Variants in UNC5D observed in about 807,000 individuals in gnomAD.
UNC5D encodes netrin receptor UNC5D.
Under a neutral mutation model 105.4 loss-of-function variants are expected in UNC5D, and 39 were observed. The ratio of observed to expected loss-of-function variants is 0.37; its 90% CI spans 0.29 to 0.48. UNC5D has a LOEUF of 0.48. Among genes scored for constraint, UNC5D ranks in the 20% least tolerant of loss-of-function variants. The pLI, the probability that UNC5D is intolerant of heterozygous loss-of-function variation, is 0.98. For synonymous variants in UNC5D, 452 were observed against 450.4 expected (o/e 1.00, Z -0.04); for missense variants, 991 against 1,202.4 (o/e 0.82, Z 2.60).
chr8:35,706,222 C>G (rs1031526228), intron 8 of UNC5D, among the ~76,000 whole-genome samples: 4 of 152,138 alleles, frequency 2.6e-5, no homozygotes, highest in African/African-American at 4.8e-5. Context: ...CAAATGTCAT[C>G]TAGGATTCTT....
At chr8:35,282,728 C>T (rs1022513969) in intron 1 of UNC5D, among the ~76,000 whole-genome samples, 2 of 111,942 alleles carry the variant, frequency 1.8e-5, no homozygotes, top group Non-Finnish European at 3.8e-5. Flanking sequence ...AAAAAAGCAA[C>T]CCAAAGCAGC....
At chr8:35,457,022 G>A (rs935701120) in intron 1 of UNC5D, among the ~76,000 whole-genome samples, 9 of 152,062 alleles carry the variant, frequency 5.9e-5, no homozygotes, top group Admixed American at 2.0e-4. Flanking sequence ...CAAATTTATT[G>A]TATGTCCTTG....
intron 11 of UNC5D, among the ~76,000 whole-genome samples, chr8:35,743,280 A>AT (rs1364269161): frequency 2.6e-5 from 4 of 151,520 alleles, no homozygotes; most frequent in Admixed American, 6.6e-5. Context: ...TTATTTATTT[A>AT]TTTTTTTGAG....
rs28748085 is a variant in UNC5D at position 35,562,899 on chromosome 8, A to T, written c.323-5199A>T. ...TTTTGCCTCAACCAGTGTCCTGGAG[A>T]GTTTCTTCAATGTTTTCTTTGAGTG... On this transcript the variant is annotated intron_variant, in intron 2 of 16. Coordinates refer to ENST00000404895, the MANE Select transcript of UNC5D (RefSeq NM_080872.4). 2.0e-3 allele frequency among the ~76,000 whole-genome samples: 305 copies of T among 151,864 alleles called. 2 individuals are homozygous for T. Among genetic ancestry groups the T allele is most frequent in the African/African-American group, 6.5e-3 (269 of 41,442 alleles).
intron 1 of UNC5D, among the ~76,000 whole-genome samples, chr8:35,348,447 T>C (rs1411434756): frequency 6.6e-6 from 1 of 151,832 alleles, no homozygotes; most frequent in Non-Finnish European, 1.5e-5. Context: ...AATGATTAGG[T>C]AGAAATTTAC....
intron 11 of UNC5D, among the ~76,000 whole-genome samples, chr8:35,732,691 A>C (rs1829258032): frequency 6.6e-6 from 1 of 152,144 alleles, no homozygotes; most frequent in Admixed American, 6.6e-5. Flanking sequence ...ACTTTCCCTG[A>C]ATCACAGCTT....
intron 14 of UNC5D, among the ~76,000 whole-genome samples, chr8:35,765,251 G>C (rs576520318): frequency 1.3e-5 from 2 of 152,310 alleles, no homozygotes; most frequent in South Asian, 2.1e-4. Flanking sequence ...GCCAGCAGGG[G>C]AGTCTATAAA....
At chr8:35,495,586 A>G (rs1811528198) in intron 1 of UNC5D, among the ~76,000 whole-genome samples, 1 of 152,022 alleles carries the variant, frequency 6.6e-6, no homozygotes, top group South Asian at 2.1e-4. Context: ...TGTAGAGATC[A>G]GCCTTAAAGC....
At chr8:35,679,924 T>C (rs1825542548) in intron 4 of UNC5D, among the ~76,000 whole-genome samples, 1 of 152,186 alleles carries the variant, frequency 6.6e-6, no homozygotes, top group African/African-American at 2.4e-5. Context: ...GGGGACTCCC[T>C]GCAGAGTCCA....
intron 16 of UNC5D, among the ~76,000 whole-genome samples, chr8:35,787,601 A>T: frequency 6.6e-6 from 1 of 151,522 alleles, no homozygotes; most frequent in East Asian, 1.9e-4. Flanking sequence ...TTCAAAACAA[A>T]GTTGTTCGGT....
chr8:35,429,915 A>C (rs1163095137), intron 1 of UNC5D, among the ~76,000 whole-genome samples: 1 of 152,134 alleles, frequency 6.6e-6, no homozygotes, highest in Admixed American at 6.5e-5. Flanking sequence ...AAACAACTAT[A>C]TTTCTTTCTG....
At chr8:35,467,895 A>G (rs942991841) in intron 1 of UNC5D, among the ~76,000 whole-genome samples, 3 of 152,204 alleles carry the variant, frequency 2.0e-5, no homozygotes, top group Admixed American at 6.6e-5. Context: ...GTATTAGATC[A>G]CCAATGACCA....
rs1392024206 is a variant in UNC5D, at chr8:35,794,123, TAC to T, written c.*3561_*3562del. On this transcript the variant is annotated 3_prime_UTR_variant, in exon 17 of 17. Coordinates refer to ENST00000404895, the MANE Select transcript of UNC5D (RefSeq NM_080872.4). ...TCTACTGCCAAACTTCTGGCAAATT[TAC>T]CTGTGAATTTCAAAATGTTATAAAA... The T allele has an allele frequency of 6.6e-6, 1 of 152,212 alleles. No homozygotes were observed. Among genetic ancestry groups the T allele is most frequent in the Non-Finnish European group, 1.5e-5 (1 of 68,034 alleles). The allele number at this position is 152,212 out of a possible 1,614,324, so 9.4% of individuals were successfully genotyped here. A position where few individuals can be genotyped will look rare whatever the true frequency, so the allele number is the denominator to read the frequency against.
At chr8:35,697,140 T>TACACACAC (rs10552113) in intron 7 of UNC5D, among the ~76,000 whole-genome samples, 1 of 148,222 alleles carries the variant, frequency 6.7e-6, no homozygotes, top group Non-Finnish European at 1.5e-5. Flanking sequence ...TATATATACA[T>TACACACAC]ACACACACAC....
At chr8:35,720,910 C>G (rs565410593) in intron 8 of UNC5D, among the ~76,000 whole-genome samples, 35 of 151,646 alleles carry the variant, frequency 2.3e-4, no homozygotes, top group South Asian at 1.3e-3. Flanking sequence ...TATTAGTGAA[C>G]CAGTTCTGCT....
At chr8:35,679,125 C>T (rs1442079224) in intron 4 of UNC5D, among the ~76,000 whole-genome samples, 1 of 152,042 alleles carries the variant, frequency 6.6e-6, no homozygotes, top group Admixed American at 6.6e-5. Flanking sequence ...GGTGACATAC[C>T]TGTAGTCCCA....
At chr8:35,447,642 T>C (rs1037387525) in intron 1 of UNC5D, among the ~76,000 whole-genome samples, 1 of 152,088 alleles carries the variant, frequency 6.6e-6, no homozygotes, top group Admixed American at 6.6e-5. Flanking sequence ...GGCAGACAAT[T>C]GTGTCCCCGC....
chr8:35,266,526 C>T (rs1804883962), intron 1 of UNC5D, among the ~76,000 whole-genome samples: 1 of 152,176 alleles, frequency 6.6e-6, no homozygotes, highest in South Asian at 2.1e-4. Flanking sequence ...TTGTGAAGTA[C>T]ATAAAGGTCT....
intron 2 of UNC5D, among the ~76,000 whole-genome samples, chr8:35,564,370 A>G (rs1817180823): frequency 6.6e-6 from 1 of 152,142 alleles, no homozygotes; most frequent in Admixed American, 6.6e-5. Flanking sequence ...CCTGTTCTGC[A>G]ATATAGGAGC....
Sources: allele counts gnomAD v4.1 joint callset (sites outside exome capture counted in the v4.1 genomes callset), GRCh38; gene constraint gnomAD v4.1.1; transcripts MANE v1.5; gene names NCBI Gene and HGNC (gene_info 2026-07-23, HGNC 2026-07-21).